Variants in SPTLC1 observed in about 807,000 individuals in gnomAD.
SPTLC1 encodes serine palmitoyltransferase long chain base subunit 1.
Under a neutral mutation model 68.9 loss-of-function variants are expected in SPTLC1, and 55 were observed. That is an observed-to-expected ratio of 0.80 (90% confidence interval 0.64 to 1.00). The LOEUF is 1.00. SPTLC1 is among the 50% of genes least tolerant of loss of function. SPTLC1 has a pLI of 0.00. For missense variants in SPTLC1, 449 were observed against 573.1 expected (o/e 0.78, Z 2.21); for synonymous variants, 197 against 201.6 (o/e 0.98, Z 0.19).
intron 1 of SPTLC1, chr9:92,114,931 A>G: frequency 3.2e-6 from 1 of 309,308 alleles, no homozygotes; most frequent in South Asian, 3.6e-5. Flanking sequence ...CCGTAGTTCC[A>G]AAGAGCTGAC....
intron 3 of SPTLC1, among the ~76,000 whole-genome samples, chr9:92,098,386 C>A (rs146525477): frequency 4.5e-4 from 69 of 152,232 alleles, no homozygotes; most frequent in African/African-American, 1.5e-3. Flanking sequence ...CCTCCCCCTG[C>A]GGACCAGTGA....
intron 9 of SPTLC1, among the ~76,000 whole-genome samples, chr9:92,049,468 C>A (rs1453050173): frequency 1.3e-5 from 2 of 152,066 alleles, no homozygotes; most frequent in Non-Finnish European, 2.9e-5. Flanking sequence ...TGAATGCATG[C>A]CAGTGGTGTT....
intron 14 of SPTLC1, among the ~76,000 whole-genome samples, chr9:92,034,326 C>G (rs1833069109): frequency 1.3e-5 from 2 of 152,238 alleles, no homozygotes; most frequent in Non-Finnish European, 2.9e-5. Flanking sequence ...AGACATTAGT[C>G]TTTCACTTTT....
chr9:92,098,861 T>C (rs1047542504), intron 3 of SPTLC1, among the ~76,000 whole-genome samples: 3 of 151,718 alleles, frequency 2.0e-5, no homozygotes, highest in African/African-American at 7.3e-5. Flanking sequence ...CAGCTGCATA[T>C]AACAACCAGT....
At chr9:92,072,221 C>T (rs533633847) in intron 5 of SPTLC1, among the ~76,000 whole-genome samples, 1 of 152,302 alleles carries the variant, frequency 6.6e-6, no homozygotes, top group South Asian at 2.1e-4. Flanking sequence ...AGACTTCCCT[C>T]GACCTCAGGA....
At chr9:92,067,518 TC>T (rs1463487250) in intron 6 of SPTLC1, among the ~76,000 whole-genome samples, 1 of 152,222 alleles carries the variant, frequency 6.6e-6, no homozygotes, top group African/African-American at 2.4e-5. Flanking sequence ...AGTGTGAAGA[TC>T]CACTTGTGGG....
Position 92,059,219 on chromosome 9 carries a change from A to C in SPTLC1, c.650T>G (p.Leu217Arg). The C allele has an allele frequency of 6.2e-7, 1 of 1,614,030 alleles. No homozygotes were observed. Among genetic ancestry groups the C allele is most frequent in the Non-Finnish European group, 8.5e-7 (1 of 1,179,960 alleles). The stretch of plus-strand genomic sequence containing the variant: ...CTCTTGTTCTTTTAGTAGTCGCTCG[A>C]GGTCAGCCATGTCATTATGCTTAAA... ...KLFKHNDMAD[L>R]ERLLKEQEIE... Residue 217 changes from leucine (L) to arginine (R), a missense_variant, in exon 7 of 15, where the codon CTC (leucine) becomes CGC (arginine). Physicochemically the swap from Leu to Arg is moderately radical, Grantham distance 102. This residue lies in a region of SPTLC1 where 391 missense variants were observed against 472.1 expected (regional missense o/e 0.83). Transcript: ENST00000262554.
chr9:92,041,668 G>T (rs1490298314), intron 12 of SPTLC1, among the ~76,000 whole-genome samples: 1 of 152,192 alleles, frequency 6.6e-6, no homozygotes, highest in Non-Finnish European at 1.5e-5. Flanking sequence ...GTTACGTAAA[G>T]TTGGTACAAG....
chr9:92,109,732 G>T (rs1222305533), intron 2 of SPTLC1: 2 of 152,308 alleles, frequency 1.3e-5, no homozygotes, highest in African/African-American at 2.4e-5. Flanking sequence ...CAGCACTTTG[G>T]GAGGCCGAGG....
At chr9:92,073,984 A>G (rs531643634) in intron 5 of SPTLC1, among the ~76,000 whole-genome samples, 9 of 152,236 alleles carry the variant, frequency 5.9e-5, no homozygotes, top group Admixed American at 5.9e-4. Flanking sequence ...CCCTCACTGG[A>G]AGTCAGACTG....
At chr9:92,087,520 T>C (rs547303365) in intron 3 of SPTLC1, among the ~76,000 whole-genome samples, 219 of 152,356 alleles carry the variant, frequency 1.4e-3, no homozygotes, top group Middle Eastern at 6.8e-3. Context: ...CCAGACCCTA[T>C]TTGCCTGGCT....
Position 92,059,269 on chromosome 9 carries a change from C to G in SPTLC1, c.600G>C (p.Gln200His), listed in dbSNP as rs1278157414. The change falls in exon 7 of 15, where the codon CAG (glutamine) becomes CAC (histidine). Residue 200 changes from glutamine to histidine, a missense_variant. By Grantham distance (24) the Gln-to-His change is conservative (BLOSUM62 0). This residue lies in a region of SPTLC1 where 391 missense variants were observed against 472.1 expected (regional missense o/e 0.83). Transcript: ENST00000262554. ...ATAACTTAATGTCACTACGGGATGCCTGTAATCCTTTCTGAATAGCAAAGC... is the reference window on the plus strand; with the variant it reads ...ATAACTTAATGTCACTACGGGATGCGTGTAATCCTTTCTGAATAGCAAAGC... ...AACFAIQKGL[Q>H]ASRSDIKLFK... is the part of the protein sequence containing the mutation. 3 of 1,613,916 alleles carry G rather than the reference C, an allele frequency of 1.9e-6. No homozygotes were observed. The highest frequency in any genetic ancestry group is 2.5e-6 in the Non-Finnish European group (3 of 1,179,986).
At chr9:92,040,037 CT>C (rs138702813) in intron 12 of SPTLC1, among the ~76,000 whole-genome samples, 38 of 147,534 alleles carry the variant, frequency 2.6e-4, no homozygotes, top group African/African-American at 4.5e-4. Flanking sequence ...TATCAAGTAT[CT>C]TTTTTTTTTT....
At chr9:92,113,601 T>C (rs904148670) in intron 1 of SPTLC1, among the ~76,000 whole-genome samples, 1 of 152,258 alleles carries the variant, frequency 6.6e-6, no homozygotes, top group African/African-American at 2.4e-5. Flanking sequence ...AATCCATTTC[T>C]TTAAAAAATC....
intron 6 of SPTLC1, among the ~76,000 whole-genome samples, chr9:92,063,760 T>C (rs1360032669): frequency 6.6e-6 from 1 of 152,088 alleles, no homozygotes; most frequent in Non-Finnish European, 1.5e-5. Flanking sequence ...AAAAATCACA[T>C]GATCATATCA....
At chr9:92,077,550 T>C (rs1440754124) in intron 5 of SPTLC1, among the ~76,000 whole-genome samples, 4 of 152,002 alleles carry the variant, frequency 2.6e-5, no homozygotes, top group Non-Finnish European at 5.9e-5. Flanking sequence ...TCGCAAGTAC[T>C]CTCCCCCACT....
intron 3 of SPTLC1, among the ~76,000 whole-genome samples, chr9:92,087,905 C>T (rs949000864): frequency 5.3e-5 from 8 of 152,262 alleles, no homozygotes; most frequent in African/African-American, 7.2e-5. Context: ...CCACCCAGTT[C>T]GAGCTTCCCG....
At chr9:92,106,258 A>G (rs1300079530) in intron 3 of SPTLC1, among the ~76,000 whole-genome samples, 1 of 151,906 alleles carries the variant, frequency 6.6e-6, no homozygotes, top group East Asian at 1.9e-4. Context: ...TTTTTAATTA[A>G]AAAAAAGGAG....
intron 3 of SPTLC1, among the ~76,000 whole-genome samples, chr9:92,098,083 T>C (rs1443334024): frequency 6.6e-6 from 1 of 152,172 alleles, no homozygotes; most frequent in Admixed American, 6.5e-5. Context: ...TTGGCTACCC[T>C]GACTCAGCAT....
Sources: gnomAD v4.1 joint callset for allele counts (sites outside exome capture counted in the v4.1 genomes callset) on GRCh38, gnomAD v4.1.1 for gene constraint, gnomAD v4.1.1 regional missense constraint, MANE v1.5 for transcripts, NCBI Gene and HGNC (gene_info 2026-07-23, HGNC 2026-07-21) for gene names.